The following RFTN2 variants were observed in gnomAD, a reference collection of about 807,000 sequenced individuals.
The protein encoded by RFTN2 is raftlin-2.
In RFTN2, 34 loss-of-function variants were observed where a neutral mutation model predicts 52.7. The observed-to-expected ratio is 0.64, with a 90% CI of 0.49 to 0.86. The LOEUF (loss-of-function observed/expected upper bound fraction) is 0.86. Ranked by LOEUF, RFTN2 falls within the 40% of genes least tolerant of loss-of-function variation. The probability of loss-of-function intolerance (pLI) is 0.00; values close to 1 mark genes in which losing one functional copy is unlikely to be tolerated. For missense variants in RFTN2, 536 were observed against 600.1 expected (o/e 0.89, Z 1.12); for synonymous variants, 203 against 217.7 (o/e 0.93, Z 0.59).
intron 1 of RFTN2, among the ~76,000 whole-genome samples, chr2:197,664,380 G>A (rs1457591554): frequency 6.6e-6 from 1 of 151,950 alleles, no homozygotes; most frequent in Admixed American, 6.6e-5. Flanking sequence ...GGAGGCTCAG[G>A]TGGGAGGATT....
chr2:197,592,429 A>T (rs2087732907), intron 8 of RFTN2, among the ~76,000 whole-genome samples: 1 of 152,214 alleles, frequency 6.6e-6, no homozygotes, highest in South Asian at 2.1e-4. Flanking sequence ...TCCCGACCTC[A>T]GATGATCCGC....
At chr2:197,585,707 C>T (rs1473792574) in intron 8 of RFTN2, among the ~76,000 whole-genome samples, 1 of 152,164 alleles carries the variant, frequency 6.6e-6, no homozygotes, top group East Asian at 1.9e-4. Context: ...TACATACAGA[C>T]TGGGCAACAT....
At chr2:197,622,943 A>G (rs1183061729) in intron 5 of RFTN2, among the ~76,000 whole-genome samples, 2 of 152,214 alleles carry the variant, frequency 1.3e-5, no homozygotes. Flanking sequence ...AGAAAAAAAG[A>G]TGCCTTTCAA....
At chr2:197,608,787 C>T (rs184580129) in intron 7 of RFTN2, among the ~76,000 whole-genome samples, 2 of 152,064 alleles carry the variant, frequency 1.3e-5, no homozygotes, top group East Asian at 1.9e-4. Flanking sequence ...CCCCCAGCTC[C>T]CCACCCCACA....
chr2:197,653,564 G>C (rs1027671274), intron 1 of RFTN2, among the ~76,000 whole-genome samples: 1 of 151,306 alleles, frequency 6.6e-6, no homozygotes, highest in Non-Finnish European at 1.5e-5. Flanking sequence ...AAAAAAAAAG[G>C]CTAAAACAAT....
chr2:197,586,606 G>C (rs1056158559), intron 8 of RFTN2, among the ~76,000 whole-genome samples: 2 of 152,136 alleles, frequency 1.3e-5, no homozygotes, highest in African/African-American at 2.4e-5. Flanking sequence ...CGACAAAAAA[G>C]AGTTATTCCA....
At chr2:197,622,230 G>T (rs1198469842) in intron 5 of RFTN2, among the ~76,000 whole-genome samples, 1 of 152,214 alleles carries the variant, frequency 6.6e-6, no homozygotes, top group African/African-American at 2.4e-5. Context: ...TGTAGAAGCT[G>T]CAGCAAGTTA....
chr2:197,583,953 G>A lies in RFTN2; in HGVS notation c.1234-11673C>T, dbSNP rs569040128. 8.1e-3 allele frequency among the ~76,000 whole-genome samples: 848 copies of A among 104,296 alleles called. 8 individuals are homozygous for A. Among genetic ancestry groups the A allele is most frequent in the African/African-American group, 0.035 (812 of 22,898 alleles). 68.4% of individuals were successfully genotyped at this position (104,296 alleles called of 152,430 possible). A position where few individuals can be genotyped will look rare whatever the true frequency, so the allele number is the denominator to read the frequency against. On this transcript the variant is annotated intron_variant, in intron 8 of 8. Coordinates refer to ENST00000295049, the MANE Select transcript of RFTN2 (RefSeq NM_144629.3). ...TCATCCATGTCCCTACAAAGGACAT[G>A]AAATCATCCTTTTTTATGGCGCATA...
At chr2:197,608,239 G>A (rs2087993588) in intron 7 of RFTN2, among the ~76,000 whole-genome samples, 1 of 152,120 alleles carries the variant, frequency 6.6e-6, no homozygotes, top group South Asian at 2.1e-4. Context: ...ATGGAAGAGG[G>A]GAGCAGAGCT....
chr2:197,607,668 A>C (rs1441628252), intron 7 of RFTN2, among the ~76,000 whole-genome samples: 1 of 152,150 alleles, frequency 6.6e-6, no homozygotes, highest in East Asian at 1.9e-4. Context: ...TTGAAAACTG[A>C]AATAAAATTT....
chr2:197,640,787 A>C (rs566280542), intron 3 of RFTN2, among the ~76,000 whole-genome samples: 2 of 152,196 alleles, frequency 1.3e-5, no homozygotes, highest in Non-Finnish European at 2.9e-5. Flanking sequence ...TACACTCAGC[A>C]CTTTTCCCAT....
At chr2:197,618,096 T>G (rs2106213456) in intron 5 of RFTN2, 175 bp from the exon 6 acceptor site, 1 of 291,792 alleles carries the variant, frequency 3.4e-6, no homozygotes, top group East Asian at 8.9e-5. Context: ...CCCCACGGTC[T>G]CCCTCTCCCT....
chr2:197,674,648 T>C (rs942677352), intron 1 of RFTN2, among the ~76,000 whole-genome samples: 3 of 152,164 alleles, frequency 2.0e-5, no homozygotes, highest in Non-Finnish European at 4.4e-5. Context: ...TGAGGCAAAG[T>C]ATTTGTGAAA....
rs75446851 is a variant in RFTN2, at chr2:197,601,833, C to T, written c.1155-5764G>A. ...GGGCCAATTAGACTACTTAAGCAAACCACACAGGTCCTGATGTTAGTGTGG... is the reference window on the plus strand; with the variant it reads ...GGGCCAATTAGACTACTTAAGCAAATCACACAGGTCCTGATGTTAGTGTGG... On this transcript the variant is annotated intron_variant, in intron 7 of 8. Transcript: ENST00000295049. Among the ~76,000 whole-genome samples the T allele has an allele frequency of 3.5e-3, 534 of 152,156 alleles. 1 individual carries two copies. Among genetic ancestry groups the T allele is most frequent in the Non-Finnish European group, 5.2e-3 (354 of 67,998 alleles).
At chr2:197,605,168 A>G (rs2106197858) in intron 7 of RFTN2, among the ~76,000 whole-genome samples, 2 of 152,262 alleles carry the variant, frequency 1.3e-5, no homozygotes, top group East Asian at 3.9e-4. Context: ...CATGATAAAA[A>G]AGCTCCCTCC....
At chr2:197,645,352 C>A (rs2088733084) in intron 2 of RFTN2, among the ~76,000 whole-genome samples, 1 of 152,134 alleles carries the variant, frequency 6.6e-6, no homozygotes, top group Non-Finnish European at 1.5e-5. Context: ...GTAGGCTATA[C>A]CATCTAGGTT....
intron 8 of RFTN2, among the ~76,000 whole-genome samples, chr2:197,577,506 C>G (rs898041212): frequency 2.0e-4 from 31 of 152,172 alleles, no homozygotes; most frequent in African/African-American, 7.2e-4. Flanking sequence ...GACAGATTTA[C>G]TCTCAGAAAA....
chr2:197,618,852 G>A (rs1246762602), intron 5 of RFTN2, among the ~76,000 whole-genome samples: 1 of 148,848 alleles, frequency 6.7e-6, no homozygotes, highest in African/African-American at 2.5e-5. Flanking sequence ...CCGCCCGGCA[G>A]CCGCCCCGTC....
chr2:197,656,078 A>T (rs977773839), intron 1 of RFTN2, among the ~76,000 whole-genome samples: 2 of 152,190 alleles, frequency 1.3e-5, no homozygotes, highest in Non-Finnish European at 2.9e-5. Context: ...GGTTTAGGCC[A>T]TAGACTCCAG....
Sources: allele counts gnomAD v4.1 joint callset (sites outside exome capture counted in the v4.1 genomes callset), GRCh38; gene constraint gnomAD v4.1.1; transcripts MANE v1.5; gene names NCBI Gene and HGNC (gene_info 2026-07-23, HGNC 2026-07-21).